The following CTNNA2 variants were observed in gnomAD, a reference collection of about 807,000 sequenced individuals.
CTNNA2 encodes the protein catenin alpha-2.
CTNNA2 carries 42 observed loss-of-function variants against 101.0 expected under a neutral mutation model. The ratio of observed to expected loss-of-function variants is 0.42; its 90% confidence interval spans 0.32 to 0.54. The LOEUF is 0.54. CTNNA2 is among the 20% of genes least tolerant of loss of function. The probability of loss-of-function intolerance (pLI) is 0.14; values close to 1 mark genes in which losing one functional copy is unlikely to be tolerated. For synonymous variants in CTNNA2, 450 were observed against 456.4 expected (o/e 0.99, Z 0.18); for missense variants, 871 against 1,223.1 (o/e 0.71, Z 4.29).
At chr2:79,741,336 G>A (rs547670747) in intron 2 of CTNNA2, among the ~76,000 whole-genome samples, 92 of 152,158 alleles carry the variant, frequency 6.0e-4, no homozygotes, top group African/African-American at 2.1e-3. Context: ...AAAGAGAACC[G>A]AACTGAATGA....
At chr2:80,264,900 G>A (rs952135386) in intron 7 of CTNNA2, among the ~76,000 whole-genome samples, 1 of 151,826 alleles carries the variant, frequency 6.6e-6, no homozygotes, top group African/African-American at 2.4e-5. Context: ...AGATTAGGAA[G>A]GATCCTGAAA....
intron 2 of CTNNA2, among the ~76,000 whole-genome samples, chr2:79,295,523 T>C (rs1312376137): frequency 6.8e-6 from 1 of 147,602 alleles, no homozygotes; most frequent in Non-Finnish European, 1.5e-5. Flanking sequence ...TCTTTCTTTC[T>C]TTTTTTTTTA....
At chr2:79,311,002 G>A (rs1022480869) in intron 2 of CTNNA2, among the ~76,000 whole-genome samples, 1 of 152,166 alleles carries the variant, frequency 6.6e-6, no homozygotes, top group Non-Finnish European at 1.5e-5. Context: ...TGTGAAATTT[G>A]AGGAATAAAG....
Position 80,582,605 on chromosome 2 carries a change from G to A in CTNNA2, c.2007+786G>A, listed in dbSNP as rs181932078. Among the ~76,000 whole-genome samples the A allele has an allele frequency of 1.0e-3, 152 of 152,206 alleles. 1 individual carries two copies. The highest frequency in any genetic ancestry group is 1.3e-4 in the Non-Finnish European group (9 of 68,018). ...TAGGTGTACGTAATCAAGGCCGGTG[G>A]TAAGAGATGAAATCTTTAGAGACTG... On this transcript the variant is annotated intron_variant, in intron 14 of 18. Coordinates refer to ENST00000402739, the MANE Select transcript of CTNNA2 (RefSeq NM_001282597.3).
chr2:79,232,262 A>G lies in CTNNA2; in HGVS notation c.-406+34186A>G, dbSNP rs992222104. Among the ~76,000 whole-genome samples the G allele has an allele frequency of 4.6e-5, 7 of 152,258 alleles. No homozygotes were observed. The South Asian group carries it at 1.0e-3, about 23-fold the overall frequency. Reference sequence around the variant, plus strand: ...GCCTAATTGATTTAGGATTTTTATCATGAAGAATGATTGATTTTATCTAAG... The same window carrying G: ...GCCTAATTGATTTAGGATTTTTATCGTGAAGAATGATTGATTTTATCTAAG... On this transcript the variant is annotated intron_variant, in intron 2 of 21. Coordinates refer to the CTNNA2 transcript ENST00000466387.
intron 6 of CTNNA2, among the ~76,000 whole-genome samples, chr2:79,887,509 G>C (rs1030174938): frequency 6.6e-6 from 1 of 151,726 alleles, no homozygotes; most frequent in South Asian, 2.1e-4. Context: ...GTTCATTTCC[G>C]TTCCCATCAG....
At chr2:79,852,174 G>T (rs1680768490) in intron 3 of CTNNA2, among the ~76,000 whole-genome samples, 1 of 152,162 alleles carries the variant, frequency 6.6e-6, no homozygotes, top group African/African-American at 2.4e-5. Flanking sequence ...TGCAGTTGTA[G>T]CTATTATGTG....
At chr2:79,324,133 G>C (rs1676687891) in intron 3 of CTNNA2, among the ~76,000 whole-genome samples, 1 of 152,150 alleles carries the variant, frequency 6.6e-6, no homozygotes, top group Non-Finnish European at 1.5e-5. Flanking sequence ...AAATTCTTTT[G>C]ATGGCAAGAC....
intron 2 of CTNNA2, among the ~76,000 whole-genome samples, chr2:79,665,063 T>C (rs1227511915): frequency 1.3e-5 from 2 of 152,136 alleles, no homozygotes; most frequent in Non-Finnish European, 2.9e-5. Context: ...GTTTCCTTTC[T>C]TGTCACTCCT....
At chr2:80,318,017 C>T (rs1678297044) in intron 7 of CTNNA2, among the ~76,000 whole-genome samples, 1 of 152,122 alleles carries the variant, frequency 6.6e-6, no homozygotes, top group Non-Finnish European at 1.5e-5. Flanking sequence ...TCTAAGGGGT[C>T]CCATTCTCAC....
intron 7 of CTNNA2, among the ~76,000 whole-genome samples, chr2:79,937,161 A>T (rs1157081403): frequency 2.0e-5 from 3 of 152,156 alleles, no homozygotes; most frequent in Non-Finnish European, 4.4e-5. Flanking sequence ...TTAATTGTCA[A>T]CATCATAATA....
intron 1 of CTNNA2, among the ~76,000 whole-genome samples, chr2:79,529,455 T>A (rs992383387): frequency 1.3e-5 from 2 of 152,128 alleles, no homozygotes; most frequent in African/African-American, 4.8e-5. Flanking sequence ...GATCTGGACT[T>A]CTGAGCTGTT....
intron 2 of CTNNA2, among the ~76,000 whole-genome samples, chr2:79,658,921 T>G (rs1265931298): frequency 1.3e-5 from 2 of 152,234 alleles, no homozygotes; most frequent in Admixed American, 6.5e-5. Flanking sequence ...CTCCAAAATT[T>G]AATAATTATC....
chr2:80,614,206 A>G (rs1306788162), intron 17 of CTNNA2, among the ~76,000 whole-genome samples: 8 of 151,442 alleles, frequency 5.3e-5, no homozygotes, highest in Admixed American at 5.3e-4. Flanking sequence ...AGGGGAGGTG[A>G]TTGCATATAC....
chr2:79,585,463 T>C (rs1676421627), intron 1 of CTNNA2, among the ~76,000 whole-genome samples: 1 of 151,972 alleles, frequency 6.6e-6, no homozygotes, highest in Non-Finnish European at 1.5e-5. Flanking sequence ...GGAATAAAAT[T>C]TAGCTATTAT....
intron 7 of CTNNA2, among the ~76,000 whole-genome samples, chr2:80,058,898 G>C (rs532902712): frequency 6.6e-6 from 1 of 151,986 alleles, no homozygotes; most frequent in Admixed American, 6.6e-5. Flanking sequence ...CAGGAAATGC[G>C]TGTCAGCCAA....
intron 2 of CTNNA2, among the ~76,000 whole-genome samples, chr2:79,730,899 A>C (rs546932553): frequency 1.3e-5 from 2 of 152,152 alleles, no homozygotes; most frequent in South Asian, 4.1e-4. Context: ...AAAAAAAATG[A>C]GAAAAATGAA....
Position 80,461,443 on chromosome 2 carries a change from T to G in CTNNA2, c.1290+41842T>G, listed in dbSNP as rs574613556. On this transcript the variant is annotated intron_variant, in intron 9 of 18. Coordinates refer to ENST00000402739, the MANE Select transcript of CTNNA2 (RefSeq NM_001282597.3). ...ATGCTGTATTCAGAATGAAGCCGTCTCCCCACCAGCTCACACTGACCCCCA... is the reference window on the plus strand; with the variant it reads ...ATGCTGTATTCAGAATGAAGCCGTCGCCCCACCAGCTCACACTGACCCCCA... Among the ~76,000 whole-genome samples the G allele has an allele frequency of 2.0e-5, 3 of 152,228 alleles. No individual in the cohort carries two copies. In the East Asian group the frequency reaches 5.8e-4, roughly 29 times the overall value.
chr2:79,793,063 G>A (rs1242993297), intron 3 of CTNNA2, among the ~76,000 whole-genome samples: 2 of 152,134 alleles, frequency 1.3e-5, no homozygotes, highest in Non-Finnish European at 2.9e-5. Flanking sequence ...TGTATGTTTA[G>A]TATGATGCCA....
Sources: gnomAD v4.1 joint callset for allele counts (sites outside exome capture counted in the v4.1 genomes callset) on GRCh38, gnomAD v4.1.1 for gene constraint, MANE v1.5 for transcripts, NCBI Gene and HGNC (gene_info 2026-07-23, HGNC 2026-07-21) for gene names.